The following ECT2 variants were observed in gnomAD, a reference collection of about 807,000 sequenced individuals.
ECT2 encodes the protein epithelial cell transforming 2.
ECT2 carries 61 observed loss-of-function variants against 116.9 expected under a neutral mutation model. That is an observed-to-expected ratio of 0.52 (90% confidence interval 0.42 to 0.65). The LOEUF (loss-of-function observed/expected upper bound fraction) is 0.65, where lower values mean the gene tolerates loss of function less well. ECT2 is among the 30% of genes least tolerant of loss of function. The pLI, the probability that ECT2 is intolerant of heterozygous loss-of-function variation, is 0.00. For missense variants in ECT2, 937 were observed against 1,078.7 expected, an observed-to-expected ratio of 0.87 and a Z score of 1.84; for synonymous variants, 358 against 346.4, an observed-to-expected ratio of 1.03 and a Z score of -0.37.
chr3:172,815,071 C>T (rs1729453378), intron 22 of ECT2, among the ~76,000 whole-genome samples: 1 of 152,092 alleles, frequency 6.6e-6, no homozygotes, highest in South Asian at 2.1e-4. Flanking sequence ...AAGCTGTGAA[C>T]CCACTCTTCA....
chr3:172,789,832 C>A (rs1306219407), intron 18 of ECT2, among the ~76,000 whole-genome samples: 2 of 152,124 alleles, frequency 1.3e-5, no homozygotes, highest in Non-Finnish European at 2.9e-5. Context: ...GCAATTCAGT[C>A]CCATCTTTAG....
rs76864072 is a variant in ECT2, at chr3:172,820,275, C to T, written c.*38C>T. The T allele has an allele frequency of 0.055, 78,961 of 1,445,924 alleles. 2,312 individuals are homozygous for T. The highest frequency in any genetic ancestry group is 0.078 in the Middle Eastern group (436 of 5,616). 89.6% of individuals were successfully genotyped at this position (1,445,924 alleles called of 1,614,324 possible). A position where few individuals can be genotyped will look rare whatever the true frequency, so the allele number is the denominator to read the frequency against. ...ATCTTAAATTATAGAAATGTATAGA[C>T]ACCTCATACTCAAATAAGAAACTGA... On this transcript the variant is annotated 3_prime_UTR_variant, in exon 25 of 25. Transcript: ENST00000392692.
intron 13 of ECT2, among the ~76,000 whole-genome samples, chr3:172,772,386 TG>T (rs1372000317): frequency 6.6e-6 from 1 of 152,152 alleles, no homozygotes; most frequent in Non-Finnish European, 1.5e-5. Flanking sequence ...TTAGTAGAGA[TG>T]GGGTTTCACC....
rs551756289 is a variant in ECT2 at position 172,812,235 on chromosome 3, C to G, written c.2401-3369C>G. Among the ~76,000 whole-genome samples the G allele has an allele frequency of 6.5e-4, 99 of 152,112 alleles. 1 individual carries two copies. The highest frequency in any genetic ancestry group is 1.2e-3 in the Non-Finnish European group (79 of 68,012). Reference sequence around the variant, plus strand: ...ATTTGTGGCTTCAAGTGATCTGCCCCCCTGGGGGCCTATCACAGTGCTGGG... The same window carrying G: ...ATTTGTGGCTTCAAGTGATCTGCCCGCCTGGGGGCCTATCACAGTGCTGGG... On this transcript the variant is annotated intron_variant, in intron 22 of 24. Coordinates refer to ENST00000392692, the MANE Select transcript of ECT2 (RefSeq NM_001258315.2).
At chr3:172,803,093 T>A in intron 20 of ECT2, 113 bp downstream of exon 20, 1 of 989,446 alleles carries the variant, frequency 1.0e-6, no homozygotes, top group Non-Finnish European at 1.4e-6. Context: ...TAAACTCAAG[T>A]AATCTTTTTT....
chr3:172,768,206 C>T (rs764023283), intron 12 of ECT2, among the ~76,000 whole-genome samples: 7 of 152,066 alleles, frequency 4.6e-5, no homozygotes, highest in South Asian at 2.1e-4. Context: ...GACAAGTTTT[C>T]GTTATTGTAA....
downstream of ECT2, among the ~76,000 whole-genome samples, chr3:172,823,743 C>A (rs1293499222): frequency 6.6e-6 from 1 of 152,004 alleles, no homozygotes; most frequent in African/African-American, 2.4e-5. Flanking sequence ...TTTAAAAATA[C>A]ATGATTGCTT....
intron 14 of ECT2, among the ~76,000 whole-genome samples, chr3:172,776,461 C>T (rs772481827): frequency 3.3e-5 from 5 of 152,088 alleles, no homozygotes; most frequent in African/African-American, 9.7e-5. Context: ...TCTTTATCCT[C>T]GTAACACATA....
chr3:172,805,192 G>A (rs1468535486), intron 20 of ECT2, among the ~76,000 whole-genome samples: 3 of 149,706 alleles, frequency 2.0e-5, no homozygotes, highest in African/African-American at 7.7e-5. Flanking sequence ...TTTTCTTAAT[G>A]ACAGATTATG....
At chr3:172,814,451 G>T (rs1249846410) in intron 22 of ECT2, among the ~76,000 whole-genome samples, 2 of 151,948 alleles carry the variant, frequency 1.3e-5, no homozygotes, top group African/African-American at 4.8e-5. Flanking sequence ...GTCTTATAGT[G>T]CCAGCATAAC....
intron 20 of ECT2, among the ~76,000 whole-genome samples, chr3:172,804,777 G>C (rs906364267): frequency 6.6e-6 from 1 of 151,870 alleles, no homozygotes; most frequent in African/African-American, 2.4e-5. Flanking sequence ...CAGATTCCTC[G>C]CAGTCTTCTG....
At chr3:172,789,104 T>C (rs1018836899) in intron 18 of ECT2, among the ~76,000 whole-genome samples, 2 of 150,470 alleles carry the variant, frequency 1.3e-5, no homozygotes, top group African/African-American at 4.9e-5. Flanking sequence ...CTTCAGTAAG[T>C]TATAGTCTTT....
intron 14 of ECT2, among the ~76,000 whole-genome samples, chr3:172,778,082 T>C (rs1046227474): frequency 6.6e-6 from 1 of 152,200 alleles, no homozygotes; most frequent in African/African-American, 2.4e-5. Context: ...TAAGATTAAT[T>C]CTGCGCTGTT....
At chr3:172,826,284 C>T (rs1730840877), downstream of ECT2, among the ~76,000 whole-genome samples, 1 of 152,168 alleles carries the variant, frequency 6.6e-6, no homozygotes, top group Non-Finnish European at 1.5e-5. Flanking sequence ...GCTAATACAG[C>T]TGGTAACTTG....
Position 172,762,697 on chromosome 3 carries a change from A to G in ECT2, c.896A>G (p.Lys299Arg). 6.2e-7 allele frequency: 1 copy of G among 1,605,964 alleles called. No individual in the cohort carries two copies. ...TATGTGCATTCCTTTTTAGGAGGTA[A>G]ATATTTACCGCTTGGAGATGAAAGA... Reference protein sequence around the residue: ...MEEMTEMQGGKYLPLGDERCT... With the variant: ...MEEMTEMQGGRYLPLGDERCT... Residue 299 changes from lysine to arginine, a missense_variant, in exon 10 of 25, where the codon AAA becomes AGA. By Grantham distance (26) the Lys-to-Arg change is conservative. Transcript: ENST00000392692.
chr3:172,795,413 T>A (rs1279742588), intron 18 of ECT2, among the ~76,000 whole-genome samples: 1 of 152,098 alleles, frequency 6.6e-6, no homozygotes, highest in Non-Finnish European at 1.5e-5. Context: ...TTGTTGCTGC[T>A]AAATGTTTTA....
At chr3:172,815,148 C>T (rs557596359) in intron 22 of ECT2, among the ~76,000 whole-genome samples, 67 of 152,136 alleles carry the variant, frequency 4.4e-4, no homozygotes, top group Non-Finnish European at 8.8e-4. Context: ...GTCACCCTAC[C>T]GGCTCTTGAT....
downstream of ECT2, among the ~76,000 whole-genome samples, chr3:172,823,087 T>C (rs1338194483): frequency 6.6e-6 from 1 of 151,920 alleles, no homozygotes; most frequent in Non-Finnish European, 1.5e-5. Flanking sequence ...GAAAAATAAA[T>C]GGAGAGCGCT....
intron 13 of ECT2, 142 bp from the exon 14 acceptor site, chr3:172,773,760 GA>G: frequency 3.7e-6 from 3 of 817,120 alleles, no homozygotes; most frequent in Admixed American, 3.0e-5. Context: ...AAAATATGGG[GA>G]AAATGTCTCA....
Sources: allele counts gnomAD v4.1 joint callset (sites outside exome capture counted in the v4.1 genomes callset), GRCh38; gene constraint gnomAD v4.1.1; transcripts MANE v1.5; gene names NCBI Gene and HGNC (gene_info 2026-07-23, HGNC 2026-07-21).